The following PAK2 variants were observed in gnomAD, a reference collection of about 807,000 sequenced individuals.
PAK2 encodes serine/threonine-protein kinase PAK 2.
Under a neutral mutation model 65.9 loss-of-function variants are expected in PAK2, and 21 were observed. The ratio of observed to expected loss-of-function variants is 0.32; its 90% CI spans 0.23 to 0.46. PAK2 has a LOEUF of 0.46. PAK2 is among the 20% of genes least tolerant of loss of function. PAK2 has a pLI of 1.00. For missense variants in PAK2, 324 were observed against 642.6 expected (o/e 0.50, Z 5.36); for synonymous variants, 204 against 219.7 (o/e 0.93, Z 0.63).
intron 1 of PAK2, among the ~76,000 whole-genome samples, chr3:196,750,512 A>C (rs1713538105): frequency 6.6e-6 from 1 of 152,186 alleles, no homozygotes; most frequent in Non-Finnish European, 1.5e-5. Context: ...CTCATCCATG[A>C]AAATGATTGT....
rs557852805 is a variant in PAK2, at chr3:196,768,920, G to A, written c.-21-13706G>A. Among the ~76,000 whole-genome samples, 4 of 151,898 alleles carry A rather than the reference G, an allele frequency of 2.6e-5. No homozygotes were observed. In the East Asian group the frequency reaches 7.7e-4, roughly 29 times the overall value. On this transcript the variant is annotated intron_variant, in intron 1 of 14. Coordinates refer to ENST00000327134, the MANE Select transcript of PAK2 (RefSeq NM_002577.4). ...GACCTCAAGTGATCCACCGCGCCCA[G>A]CCCCCCAGAGTGCTGGGATTACAGG...
At chr3:196,779,976 AG>A in intron 1 of PAK2, among the ~76,000 whole-genome samples, 1 of 152,320 alleles carries the variant, frequency 6.6e-6, no homozygotes, top group East Asian at 1.9e-4. Flanking sequence ...GTTGTTACTA[AG>A]CTTTGTCTTT....
intron 11 of PAK2, among the ~76,000 whole-genome samples, chr3:196,815,321 A>C (rs1050517799): frequency 2.0e-5 from 3 of 151,208 alleles, no homozygotes; most frequent in Non-Finnish European, 3.0e-5. Flanking sequence ...GCAAAACCCC[A>C]TCTCTACTAA....
intron 7 of PAK2, 116 bp from the exon 8 acceptor site, chr3:196,810,474 A>G: frequency 4.3e-6 from 3 of 698,386 alleles, no homozygotes; most frequent in South Asian, 1.6e-5. Context: ...GGAACTTAGT[A>G]TTATGTTTGA....
At chr3:196,752,663 A>C (rs905662145) in intron 1 of PAK2, among the ~76,000 whole-genome samples, 2 of 151,476 alleles carry the variant, frequency 1.3e-5, no homozygotes, top group African/African-American at 2.4e-5. Context: ...GCAATGGCGC[A>C]ATCTCAGCTC....
intron 2 of PAK2, among the ~76,000 whole-genome samples, chr3:196,788,421 C>T (rs1479771426): frequency 6.6e-6 from 1 of 152,120 alleles, no homozygotes; most frequent in Non-Finnish European, 1.5e-5. Context: ...AGGATGTTTT[C>T]ACTTATTAAT....
chr3:196,765,918 T>C (rs550200726), intron 1 of PAK2, among the ~76,000 whole-genome samples: 1 of 151,654 alleles, frequency 6.6e-6, no homozygotes, highest in South Asian at 2.1e-4. Context: ...TTTTTTTTTT[T>C]AGACGGAGTC....
chr3:196,808,627 G>A (rs939158668), intron 7 of PAK2, among the ~76,000 whole-genome samples: 28 of 149,078 alleles, frequency 1.9e-4, no homozygotes, highest in Admixed American at 3.4e-4. Context: ...CACTTTGGGA[G>A]ACCAAGGTGG....
At chr3:196,822,871 T>G (rs6583177) in intron 13 of PAK2, among the ~76,000 whole-genome samples, 87,893 of 151,880 alleles carry the variant, frequency 0.58, 26,224 homozygotes, top group African/African-American at 0.72. Flanking sequence ...GAGCGTTCCT[T>G]GTGTATTGAG....
At chr3:196,778,137 C>G (rs1282294570) in intron 1 of PAK2, among the ~76,000 whole-genome samples, 2 of 152,306 alleles carry the variant, frequency 1.3e-5, no homozygotes, top group South Asian at 2.1e-4. Context: ...CCGGACATTT[C>G]ATATGAAACG....
At position 196,769,552 on chromosome 3, in the gene PAK2, C is replaced by G. The variant is rs575378479; in HGVS notation, c.-21-13074C>G. 5.3e-5 allele frequency among the ~76,000 whole-genome samples: 8 copies of G among 151,966 alleles called. No individual in the cohort carries two copies. In the East Asian group the frequency reaches 1.5e-3, roughly 29 times the overall value. ...CCCGGCCAGGCGTGGTGGCTCACGC[C>G]TGTAATCCCAGCGCTTTGGGAGGCC... On this transcript the variant is annotated intron_variant, in intron 1 of 14. Coordinates refer to ENST00000327134, the MANE Select transcript of PAK2 (RefSeq NM_002577.4).
At chr3:196,778,398 T>C (rs369526944) in intron 1 of PAK2, among the ~76,000 whole-genome samples, 1 of 152,254 alleles carries the variant, frequency 6.6e-6, no homozygotes, top group African/African-American at 2.4e-5. Flanking sequence ...CTCTTGGCTA[T>C]ATACCTGGGA....
At chr3:196,789,891 T>A (rs1577723210) in intron 2 of PAK2, among the ~76,000 whole-genome samples, 1 of 152,320 alleles carries the variant, frequency 6.6e-6, no homozygotes, top group Admixed American at 6.5e-5. Context: ...TCATGCGCAG[T>A]TCACAATAGG....
Position 196,831,732 on chromosome 3 carries a change from A to G in PAK2, c.*3327A>G, listed in dbSNP as rs1271150181. ...CTAAAATTAGAAAAAAACAAAATAGATGCTTAAAGAATTTGCATCCATTTT... is the reference window on the plus strand; with the variant it reads ...CTAAAATTAGAAAAAAACAAAATAGGTGCTTAAAGAATTTGCATCCATTTT... On this transcript the variant is annotated 3_prime_UTR_variant, in exon 15 of 15. Transcript: ENST00000327134. 1.3e-5 allele frequency: 2 copies of G among 152,216 alleles called. No individual in the cohort carries two copies. The highest frequency in any genetic ancestry group is 2.9e-5 in the Non-Finnish European group (2 of 68,042). The allele number at this position is 152,216 out of a possible 1,614,324, so 9.4% of individuals were successfully genotyped here.
Position 196,814,506 on chromosome 3 carries a change from C to A in PAK2, c.991C>A (p.Leu331Ile). ...VVMEYLAGGS[L>I]TDVVTETCMD... ...CATGGAATACCTTGCTGGGGGGTCA[C>A]TCACTGATGTGGTAACAGAAACGTG... The change falls in exon 11 of 15, where the codon CTC becomes ATC. Residue 331 changes from leucine to isoleucine, a missense_variant. Leu to Ile is a conservative substitution (Grantham distance 5). Coordinates refer to ENST00000327134, the MANE Select transcript of PAK2 (RefSeq NM_002577.4). The A allele has an allele frequency of 6.4e-7, 1 of 1,564,404 alleles. No individual in the cohort carries two copies. Among genetic ancestry groups the A allele is most frequent in the Non-Finnish European group, 8.8e-7 (1 of 1,140,502 alleles).
Position 196,810,573 on chromosome 3 carries a change from C to T in PAK2, c.710-17C>T. ...TTAAAATGCTTGACTGAGCTTCCAGCTTTTTGTTTATTCTAGGAACTATCG... is the reference window on the plus strand; with the variant it reads ...TTAAAATGCTTGACTGAGCTTCCAGTTTTTTGTTTATTCTAGGAACTATCG... On this transcript the variant is annotated splice_polypyrimidine_tract_variant and intron_variant, in intron 7 of 14. Coordinates refer to ENST00000327134, the MANE Select transcript of PAK2 (RefSeq NM_002577.4). 6.8e-7 allele frequency: 1 copy of T among 1,461,596 alleles called. No homozygotes were observed. The allele number at this position is 1,461,596 out of a possible 1,614,324, so 90.5% of individuals were successfully genotyped here.
rs76649479 is a variant in PAK2, at chr3:196,803,275, G to A, written c.436+111G>A. 1.6e-3 allele frequency: 1,406 copies of A among 853,672 alleles called. 13 individuals carry two copies. In the African/African-American group the frequency reaches 0.02, roughly 12 times the overall value. The allele number at this position is 853,672 out of a possible 1,614,324, so 52.9% of individuals were successfully genotyped here. On this transcript the variant is annotated intron_variant, in intron 4 of 14. Transcript: ENST00000327134. ...TAAACTATGGTTCTTGTTGATAACG[G>A]TTTTTCCCTGGATAGATTCTACCTT... is the stretch of plus-strand genomic sequence containing the variant.
chr3:196,745,530 T>C (rs1015931707), intron 1 of PAK2, among the ~76,000 whole-genome samples: 1 of 152,164 alleles, frequency 6.6e-6, no homozygotes, highest in African/African-American at 2.4e-5. Context: ...ATAAAAATAT[T>C]TGGCCGGGTG....
rs539574340 is a variant in PAK2 at position 196,803,119 on chromosome 3, G to A, written c.391G>A (p.Asp131Asn). Residue 131 changes from aspartate to asparagine, a missense_variant, in exon 4 of 15, where the codon GAC becomes AAC. Physicochemically the swap from Asp to Asn is conservative, Grantham distance 23 (BLOSUM62 1). Transcript: ENST00000327134. Reference sequence around the variant, plus strand: ...TGTGCTGGATGTCCTAAAGTTCTACGACTCCAACACAGTGAAGCAGAAATA... The same window carrying A: ...TGTGCTGGATGTCCTAAAGTTCTACAACTCCAACACAGTGAAGCAGAAATA... ...QAVLDVLKFY[D>N]SNTVKQKYLS... 24 of 1,612,764 alleles carry A rather than the reference G, an allele frequency of 1.5e-5. No individual in the cohort carries two copies. The highest frequency in any genetic ancestry group is 2.2e-5 in the East Asian group (1 of 44,736).
Sources: gnomAD v4.1 joint callset for allele counts (sites outside exome capture counted in the v4.1 genomes callset) on GRCh38, gnomAD v4.1.1 for gene constraint, MANE v1.5 for transcripts, NCBI Gene and HGNC (gene_info 2026-07-23, HGNC 2026-07-21) for gene names.